Variants in PALS2 observed in about 807,000 individuals in gnomAD.
The protein encoded by PALS2 is protein associated with LIN7 2, MAGUK p55 family member.
PALS2 carries 27 observed loss-of-function variants against 61.6 expected under a neutral mutation model. The ratio of observed to expected loss-of-function variants is 0.44; its 90% CI spans 0.32 to 0.60. The LOEUF (loss-of-function observed/expected upper bound fraction) is 0.60, where lower values mean the gene tolerates loss of function less well. PALS2 is among the 20% of genes least tolerant of loss of function. The pLI, the probability that PALS2 is intolerant of heterozygous loss-of-function variation, is 0.05. For synonymous variants in PALS2, 236 were observed against 218.6 expected (o/e 1.08, Z -0.70); for missense variants, 554 against 639.4 (o/e 0.87, Z 1.44).
intron 1 of PALS2, among the ~76,000 whole-genome samples, chr7:24,615,529 A>G (rs1784264605): frequency 6.6e-6 from 1 of 151,960 alleles, no homozygotes; most frequent in Non-Finnish European, 1.5e-5. Context: ...ACCTACCAAG[A>G]TTGAGTCCAG....
rs529141786 is a variant in PALS2, at chr7:24,692,256, A to T, written c.*4642A>T. 2.0e-5 allele frequency: 3 copies of T among 152,278 alleles called. No homozygotes were observed. Among genetic ancestry groups the T allele is most frequent in the East Asian group, 1.9e-4 (1 of 5,194 alleles). 9.4% of individuals were successfully genotyped at this position (152,278 alleles called of 1,614,324 possible). ...TTGGCAATACACTGCAGTACTTTTT[A>T]AAAAATATTCTCTAGTGATAAAAGT... is the stretch of plus-strand genomic sequence containing the variant. On this transcript the variant is annotated 3_prime_UTR_variant, in exon 12 of 12. Transcript: ENST00000222644.
chr7:24,615,499 T>C (rs1205669251), intron 1 of PALS2, among the ~76,000 whole-genome samples: 3 of 151,714 alleles, frequency 2.0e-5, no homozygotes, highest in South Asian at 2.1e-4. Flanking sequence ...AAATAGATAA[T>C]AAATTCCTGG....
chr7:24,641,938 T>G, intron 3 of PALS2, 70 bp downstream of exon 3: 1 of 1,483,178 alleles, frequency 6.7e-7, no homozygotes, highest in Non-Finnish European at 9.2e-7. Context: ...CTTTCCAGTT[T>G]AAGGTGATGT....
At chr7:24,595,901 A>G (rs1783506862) in intron 1 of PALS2, among the ~76,000 whole-genome samples, 1 of 151,710 alleles carries the variant, frequency 6.6e-6, no homozygotes, top group Non-Finnish European at 1.5e-5. Context: ...AGAAGATGGT[A>G]AAGATGGGAA....
intron 3 of PALS2, among the ~76,000 whole-genome samples, chr7:24,644,629 T>C (rs1032861487): frequency 1.3e-5 from 2 of 152,132 alleles, no homozygotes; most frequent in Non-Finnish European, 2.9e-5. Context: ...GTCTTTATGG[T>C]AGGAAGATTT....
intron 9 of PALS2, among the ~76,000 whole-genome samples, chr7:24,673,954 C>T (rs1171321981): frequency 6.6e-6 from 1 of 151,804 alleles, no homozygotes; most frequent in African/African-American, 2.4e-5. Flanking sequence ...TCTTGGTATG[C>T]TGTGTTTTTG....
At position 24,687,678 on chromosome 7, in the gene PALS2, C is replaced by A; in HGVS notation, c.*64C>A. ...AAAGTGACTGCAACAAATAAACCTTCTACTGAGAAAATACATCACAGATAG... is the reference window on the plus strand; with the variant it reads ...AAAGTGACTGCAACAAATAAACCTTATACTGAGAAAATACATCACAGATAG... On this transcript the variant is annotated 3_prime_UTR_variant, in exon 12 of 12. Coordinates refer to ENST00000222644, the MANE Select transcript of PALS2 (RefSeq NM_001303037.2). This position sits in a 1 kb window ranked among gnomAD's most constrained non-coding sequence, Gnocchi z 4.5. 2 of 1,454,522 alleles carry A rather than the reference C, an allele frequency of 1.4e-6. No homozygotes were observed. Among genetic ancestry groups the A allele is most frequent in the African/African-American group, 1.4e-5 (1 of 69,580 alleles). 90.1% of individuals were successfully genotyped at this position (1,454,522 alleles called of 1,614,324 possible). A position where few individuals can be genotyped will look rare whatever the true frequency, so the allele number is the denominator to read the frequency against.
At chr7:24,610,590 G>T (rs78605573) in intron 1 of PALS2, among the ~76,000 whole-genome samples, 11,142 of 152,204 alleles carry the variant, frequency 0.073, 448 homozygotes, top group African/African-American at 0.095. Context: ...CATATTGTCA[G>T]TTTATAGAAA....
At chr7:24,664,488 A>T (rs575327224) in intron 6 of PALS2, among the ~76,000 whole-genome samples, 1 of 152,154 alleles carries the variant, frequency 6.6e-6, no homozygotes, top group African/African-American at 2.4e-5. Flanking sequence ...GAGTTTTACT[A>T]AAGAACAAGG....
In PALS2 at chr7:24,665,530, T is replaced by C; in HGVS notation, c.784-58T>C. On this transcript the variant is annotated intron_variant, in intron 6 of 11. Coordinates refer to ENST00000222644, the MANE Select transcript of PALS2 (RefSeq NM_001303037.2). The stretch of plus-strand genomic sequence containing the variant: ...ACTGACCACTGCTTGTCTTACTTAA[T>C]AGAATATGGTCTCAAATTTTGGTCA... 4.0e-6 allele frequency: 6 copies of C among 1,493,962 alleles called. No homozygotes were observed. In the Middle Eastern group the frequency reaches 6.9e-4, roughly 172 times the overall value. 92.5% of individuals were successfully genotyped at this position (1,493,962 alleles called of 1,614,324 possible).
chr7:24,601,607 G>A (rs1386902818), intron 1 of PALS2, among the ~76,000 whole-genome samples: 4 of 151,892 alleles, frequency 2.6e-5, no homozygotes, highest in Non-Finnish European at 5.9e-5. Context: ...CATGCTTTGA[G>A]AGCAGCATGT....
intron 2 of PALS2, among the ~76,000 whole-genome samples, chr7:24,630,047 A>G (rs1187547561): frequency 6.6e-6 from 1 of 152,202 alleles, no homozygotes; most frequent in Non-Finnish European, 1.5e-5. Flanking sequence ...TTGCAGCACT[A>G]TTCACAATAG....
chr7:24,685,831 A>G (rs1451695277), intron 11 of PALS2, among the ~76,000 whole-genome samples: 1 of 151,914 alleles, frequency 6.6e-6, no homozygotes, highest in African/African-American at 2.4e-5. Context: ...CAGTGAATCC[A>G]CTTCTCTCTC....
Position 24,596,364 on chromosome 7 carries a change from A to G in PALS2, c.-3+22771A>G, listed in dbSNP as rs1783523683. On this transcript the variant is annotated intron_variant, in intron 1 of 11. Transcript: ENST00000222644. This position sits in a 1 kb window ranked among gnomAD's most constrained non-coding sequence, Gnocchi z 4.5. ...CAGTTTATCATTGGATCTGTTATGA[A>G]TTCTAGGTATTTTTGTAAGTATATA... Among the ~76,000 whole-genome samples, 1 of 152,122 alleles carries G rather than the reference A, an allele frequency of 6.6e-6. No homozygotes were observed. The highest frequency in any genetic ancestry group is 2.4e-5 in the African/African-American group (1 of 41,416).
chr7:24,641,809 A>T lies in PALS2; in HGVS notation c.211A>T (p.Ile71Leu). 6.2e-7 allele frequency: 1 copy of T among 1,613,184 alleles called. No homozygotes were observed. The highest frequency in any genetic ancestry group is 1.7e-5 in the Admixed American group (1 of 59,918). ...AATTCTTGAAGACATCACTCCTCTA[A>T]TAAATGTGGATGAAAATGTGGCAGA... Reference protein sequence around the residue: ...NEILEDITPLINVDENVAELV... With the variant: ...NEILEDITPLLNVDENVAELV... Residue 71 changes from isoleucine to leucine, a missense_variant, in exon 3 of 12, where the codon ATA becomes TTA. By Grantham distance (5) the Ile-to-Leu change is conservative. Transcript: ENST00000222644.
chr7:24,679,659 A>G (rs373596520), intron 10 of PALS2, among the ~76,000 whole-genome samples: 1 of 152,286 alleles, frequency 6.6e-6, no homozygotes, highest in East Asian at 1.9e-4. Flanking sequence ...TCAAGTCTGC[A>G]ATATAAAGAA....
Position 24,633,109 on chromosome 7 carries a change from C to A in PALS2, c.118-8607C>A, listed in dbSNP as rs377161169. 7.9e-5 allele frequency among the ~76,000 whole-genome samples: 12 copies of A among 152,078 alleles called. No homozygotes were observed. In the East Asian group the frequency reaches 2.3e-3, roughly 29 times the overall value. Reference sequence around the variant, plus strand: ...TGAATAAAACTATTATCTATTAAATCAATTAGGAATAAGAAAAATAAAAGA... The same window carrying A: ...TGAATAAAACTATTATCTATTAAATAAATTAGGAATAAGAAAAATAAAAGA... On this transcript the variant is annotated intron_variant, in intron 2 of 11. Transcript: ENST00000222644.
rs138366080 is a variant in PALS2 at position 24,621,045 on chromosome 7, C to A, written c.-2-2621C>A. Among the ~76,000 whole-genome samples the A allele has an allele frequency of 2.6e-5, 4 of 152,198 alleles. No individual in the cohort carries two copies. In the East Asian group the frequency reaches 7.7e-4, roughly 29 times the overall value. ...GCTAACCACATTTATAGCCACAGGA[C>A]AAAAGTACTTTTAAAAATTGATTCT... On this transcript the variant is annotated intron_variant, in intron 1 of 11. Transcript: ENST00000222644.
intron 2 of PALS2, among the ~76,000 whole-genome samples, chr7:24,632,522 C>T (rs1785043145): frequency 6.6e-6 from 1 of 152,138 alleles, no homozygotes; most frequent in African/African-American, 2.4e-5. Flanking sequence ...GCCTCAGCCT[C>T]TCAAGTAGCT....
Sources: gnomAD v4.1 joint callset for allele counts (sites outside exome capture counted in the v4.1 genomes callset) on GRCh38, gnomAD v4.1.1 for gene constraint, Gnocchi (gnomAD v3.1) non-coding constraint, MANE v1.5 for transcripts, NCBI Gene and HGNC (gene_info 2026-07-23, HGNC 2026-07-21) for gene names.